The following TRDN variants were observed in gnomAD, a reference collection of about 807,000 sequenced individuals.
The protein encoded by TRDN is triadin.
In TRDN, 161 loss-of-function variants were observed where a neutral mutation model predicts 149.7. That is an observed-to-expected ratio of 1.08 (90% confidence interval 0.95 to 1.23). The LOEUF is 1.23. TRDN is among the 50% of genes most tolerant of loss of function. TRDN has a pLI of 0.00. For synonymous variants in TRDN, 294 were observed against 250.5 expected (o/e 1.17, Z -1.64); for missense variants, 896 against 823.5 (o/e 1.09, Z -1.08).
intron 29 of TRDN, among the ~76,000 whole-genome samples, chr6:123,271,689 G>T (rs574810133): frequency 3.3e-5 from 5 of 152,064 alleles, no homozygotes; most frequent in African/African-American, 1.2e-4. Flanking sequence ...ATTTTTCATA[G>T]TCAAAGATGT....
chr6:123,331,222 A>G (rs1582881473), intron 23 of TRDN, among the ~76,000 whole-genome samples: 1 of 152,082 alleles, frequency 6.6e-6, no homozygotes, highest in African/African-American at 2.4e-5. Context: ...TGTTTTAGGG[A>G]ACATAATTTG....
chr6:123,345,752 C>A (rs1299286697), intron 21 of TRDN, among the ~76,000 whole-genome samples: 1 of 152,036 alleles, frequency 6.6e-6, no homozygotes, highest in Non-Finnish European at 1.5e-5. Context: ...TTCCCTCCAA[C>A]AGGTCTTATA....
chr6:123,231,891 G>C (rs545149677), intron 38 of TRDN, among the ~76,000 whole-genome samples: 1 of 152,106 alleles, frequency 6.6e-6, no homozygotes, highest in South Asian at 2.1e-4. Flanking sequence ...GAAGTCAGAT[G>C]GCAAGAGTAG....
intron 2 of TRDN, among the ~76,000 whole-genome samples, chr6:123,557,043 C>G (rs1055820844): frequency 5.3e-5 from 8 of 151,946 alleles, no homozygotes; most frequent in African/African-American, 1.9e-4. Flanking sequence ...CCCCACTGAG[C>G]ACCTTGTGAC....
At chr6:123,321,652 A>T (rs972835627) in intron 23 of TRDN, among the ~76,000 whole-genome samples, 2 of 152,044 alleles carry the variant, frequency 1.3e-5, no homozygotes, top group Non-Finnish European at 2.9e-5. Flanking sequence ...ACTCTTCCAC[A>T]TTCTGTTTTC....
At chr6:123,363,935 C>T (rs1353896976) in intron 20 of TRDN, among the ~76,000 whole-genome samples, 1 of 152,210 alleles carries the variant, frequency 6.6e-6, no homozygotes, top group Non-Finnish European at 1.5e-5. Flanking sequence ...GTAATCTACT[C>T]TTGTGCTAAT....
In TRDN at chr6:123,634,614, A is replaced by T. The variant is rs189235464; in HGVS notation, c.22+2140T>A. The stretch of plus-strand genomic sequence containing the variant: ...TAGGGCACAAAAGGTGAGAATTGCA[A>T]AGATAACATGAAACTGTGTAGTAAC... On this transcript the variant is annotated intron_variant, in intron 1 of 40. Coordinates refer to ENST00000334268, the MANE Select transcript of TRDN (RefSeq NM_006073.4). Among the ~76,000 whole-genome samples the T allele has an allele frequency of 2.3e-4, 35 of 152,100 alleles. 1 individual carries two copies. The highest frequency in any genetic ancestry group is 9.8e-4 in the Admixed American group (15 of 15,244).
Position 123,457,424 on chromosome 6 carries a change from T to C in TRDN, c.931+7482A>G, listed in dbSNP as rs150949978. ...TTGTTTTCACAAAAGGTCTTTTTAA[T>C]AATCAATAACAGGAAATCAAAACCA... is the stretch of plus-strand genomic sequence containing the variant. On this transcript the variant is annotated intron_variant, in intron 10 of 40. Coordinates refer to ENST00000334268, the MANE Select transcript of TRDN (RefSeq NM_006073.4). The C allele has an allele frequency of 1.6e-3, 538 of 338,522 alleles. 1 individual carries two copies. The Middle Eastern group carries it at 0.018, about 11-fold the overall frequency. The allele number at this position is 338,522 out of a possible 1,614,324, so 21.0% of individuals were successfully genotyped here.
intron 4 of TRDN, among the ~76,000 whole-genome samples, chr6:123,533,241 T>A (rs1231078808): frequency 6.6e-6 from 1 of 152,120 alleles, no homozygotes; most frequent in Non-Finnish European, 1.5e-5. Context: ...GAATAATATT[T>A]TTTTTAGAGG....
At chr6:123,505,267 A>AG (rs1397860484) in intron 7 of TRDN, among the ~76,000 whole-genome samples, 16 of 148,066 alleles carry the variant, frequency 1.1e-4, no homozygotes, top group African/African-American at 3.7e-4. Context: ...AAAAAAAAAA[A>AG]AAAGAATTTA....
chr6:123,601,202 T>C (rs1239562633), intron 1 of TRDN, among the ~76,000 whole-genome samples: 1 of 152,158 alleles, frequency 6.6e-6, no homozygotes, highest in Non-Finnish European at 1.5e-5. Flanking sequence ...ATTAAAGTTT[T>C]ATATTTTTCT....
chr6:123,236,493 C>A (rs1362643262), intron 38 of TRDN, among the ~76,000 whole-genome samples: 1 of 151,820 alleles, frequency 6.6e-6, no homozygotes. Context: ...ACAAATAGTC[C>A]TTTTGGTGTC....
intron 12 of TRDN, chr6:123,421,448 TATATCAGCTACCTGATAGGA>T (rs1435274602): frequency 6.6e-6 from 1 of 152,140 alleles, no homozygotes; most frequent in African/African-American, 2.4e-5. Flanking sequence ...CAAACTTAAT[TATATCAGCTACCTGATAGGA>T]ATATCAGGAT....
At chr6:123,255,242 T>C (rs767338382) in intron 36 of TRDN, 117 bp from the exon 37 acceptor site, 10 of 446,342 alleles carry the variant, frequency 2.2e-5, no homozygotes, top group Non-Finnish European at 3.8e-5. Flanking sequence ...TTTCTCAAGT[T>C]GGTTTTCAAA....
intron 1 of TRDN, among the ~76,000 whole-genome samples, chr6:123,618,623 C>A (rs1785225208): frequency 6.6e-6 from 1 of 152,204 alleles, no homozygotes; most frequent in South Asian, 2.1e-4. Context: ...TCTCACTACT[C>A]TTCATCAGTA....
Position 123,284,006 on chromosome 6 carries a change from A to ATATATATATATATATATAT in TRDN, c.1511-4925_1511-4924insATATATATATATATATATA, listed in dbSNP as rs1427267027. ...GGCACATATATATATATATATATGT[A>ATATATATATATATATATAT]ACAAACCTGCACATTGTGCACATGT... On this transcript the variant is annotated intron_variant, in intron 24 of 40. Coordinates refer to ENST00000334268, the MANE Select transcript of TRDN (RefSeq NM_006073.4). Among the ~76,000 whole-genome samples, 46 of 119,408 alleles carry ATATATATATATATATATAT rather than the reference A, an allele frequency of 3.9e-4. 1 individual carries two copies. Among genetic ancestry groups the ATATATATATATATATATAT allele is most frequent in the Middle Eastern group, 4.4e-3 (1 of 226 alleles). The allele number at this position is 119,408 out of a possible 152,430, so 78.3% of individuals were successfully genotyped here. A position where few individuals can be genotyped will look rare whatever the true frequency, so the allele number is the denominator to read the frequency against.
At chr6:123,421,899 A>AG (rs963373265) in intron 12 of TRDN, among the ~76,000 whole-genome samples, 43 of 151,870 alleles carry the variant, frequency 2.8e-4, no homozygotes, top group African/African-American at 1.0e-3. Context: ...GCTTGAGCCT[A>AG]GGGGTTTGAA....
At position 123,279,040 on chromosome 6, in the gene TRDN, C is replaced by T. The variant is rs1252264183; in HGVS notation, c.1537+16G>A. ...CATATGTACGTGTTTGTTTATTGAG[C>T]ATGCATATAACATACGTGGAGGTTT... On this transcript the variant is annotated intron_variant, in intron 25 of 40. Coordinates refer to ENST00000334268, the MANE Select transcript of TRDN (RefSeq NM_006073.4). The T allele has an allele frequency of 1.6e-5, 25 of 1,603,226 alleles. No homozygotes were observed. Among genetic ancestry groups the T allele is most frequent in the Non-Finnish European group, 2.0e-5 (24 of 1,175,618 alleles).
At chr6:123,353,673 A>G (rs1253806732) in intron 20 of TRDN, among the ~76,000 whole-genome samples, 2 of 151,680 alleles carry the variant, frequency 1.3e-5, no homozygotes, top group African/African-American at 2.4e-5. Context: ...GAGGGAGGGA[A>G]AAAAAGGAGG....
Sources: gnomAD v4.1 joint callset for allele counts (sites outside exome capture counted in the v4.1 genomes callset) on GRCh38, gnomAD v4.1.1 for gene constraint, MANE v1.5 for transcripts, NCBI Gene and HGNC (gene_info 2026-07-23, HGNC 2026-07-21) for gene names.